ARSL: variants seen among roughly 807,000 people sequenced by gnomAD.
The protein encoded by ARSL is arylsulfatase L.
ARSL carries 4 observed loss-of-function variants against 31.1 expected under a neutral mutation model. The observed-to-expected ratio is 0.13, with a 90% confidence interval of 0.06 to 0.29. The LOEUF (loss-of-function observed/expected upper bound fraction) is 0.29, where lower values mean the gene tolerates loss of function less well. Ranked by LOEUF, ARSL falls within the 10% of genes least tolerant of loss-of-function variation. ARSL has a pLI of 1.00. For missense variants in ARSL, 312 were observed against 497.8 expected (o/e 0.63, Z 3.55); for synonymous variants, 198 against 209.9 (o/e 0.94, Z 0.49).
Position 2,934,768 on chromosome X carries a change from T to C in ARSL, c.*64A>G, listed in dbSNP as rs928169125. The stretch of plus-strand genomic sequence containing the variant: ...TGGGATGACAACCACCATGGCCAGC[T>C]GGTTTGTTTCAATTTGAGTGACAAA... On this transcript the variant is annotated 3_prime_UTR_variant, in exon 11 of 11. Transcript: ENST00000381134. The C allele has an allele frequency of 3.7e-6, 4 of 1,067,710 alleles. No homozygotes were observed. The African/African-American group carries it at 5.5e-5, about 15-fold the overall frequency. The allele number at this position is 1,067,710 out of a possible 1,213,427, so 88.0% of individuals were successfully genotyped here.
At chrX:2,949,851 G>T (rs2089438996) in intron 5 of ARSL, 124 bp from the exon 6 acceptor site, 11 of 800,676 alleles carry the variant, frequency 1.4e-5, no homozygotes, top group Non-Finnish European at 1.8e-5. Context: ...TTGCAAAGAA[G>T]TGTGGGCAGC....
chrX:2,947,218 T>C lies in ARSL; in HGVS notation c.855-1084A>G, dbSNP rs1028792055. Among the ~76,000 whole-genome samples, 3 of 111,316 alleles carry C rather than the reference T, an allele frequency of 2.7e-5. No homozygotes were observed. In the Admixed American group the frequency reaches 2.9e-4, roughly 11 times the overall value. On this transcript the variant is annotated intron_variant, in intron 6 of 10. Coordinates refer to ENST00000381134, the MANE Select transcript of ARSL (RefSeq NM_000047.3). Reference sequence around the variant, plus strand: ...TAAATAAATAAATAAAAACCCACACTGATCTAATGCATCTTTTCCCCCCCG... The same window carrying C: ...TAAATAAATAAATAAAAACCCACACCGATCTAATGCATCTTTTCCCCCCCG...
At chrX:2,953,331 T>C (rs2089486409) in intron 4 of ARSL, 66 bp from the exon 5 acceptor site, 13 of 1,117,725 alleles carry the variant, frequency 1.2e-5, no homozygotes, top group Admixed American at 2.4e-5. Flanking sequence ...TTATTTATTA[T>C]TTATTCAAAA....
chrX:2,965,426 C>T (rs186179685), upstream of ARSL, among the ~76,000 whole-genome samples: 34 of 108,580 alleles, frequency 3.1e-4, 6 homozygotes, highest in South Asian at 1.2e-3. Context: ...GCTTGAACCC[C>T]GGAGTCGGAG....
At chrX:2,961,673 C>G (rs1444213448) in intron 1 of ARSL, among the ~76,000 whole-genome samples, 2 of 111,423 alleles carry the variant, frequency 1.8e-5, no homozygotes, top group African/African-American at 6.5e-5. Flanking sequence ...ATATTCACAT[C>G]TTTTTCTACC....
rs1213808595 is a variant in ARSL, at chrX:2,964,338, T to C, written c.-135A>G. The C allele has an allele frequency of 2.7e-6, 2 of 752,046 alleles. No individual in the cohort carries two copies. The highest frequency in any genetic ancestry group is 4.7e-5 in the African/African-American group (2 of 42,974). 62.0% of individuals were successfully genotyped at this position (752,046 alleles called of 1,213,427 possible). A position where few individuals can be genotyped will look rare whatever the true frequency, so the allele number is the denominator to read the frequency against. ...CACAAGGCTTTGAGCTGGGAATGATTAACTTCGAGTTTGTTTTTCCCAAGT... is the reference window on the plus strand; with the variant it reads ...CACAAGGCTTTGAGCTGGGAATGATCAACTTCGAGTTTGTTTTTCCCAAGT... On this transcript the variant is annotated 5_prime_UTR_variant, in exon 1 of 11. Transcript: ENST00000381134.
chrX:2,967,308 A>T (rs963215992), upstream of ARSL, among the ~76,000 whole-genome samples: 1 of 112,422 alleles, frequency 8.9e-6, no homozygotes, highest in African/African-American at 3.2e-5. Context: ...GACACAATAA[A>T]AGCAGATTTT....
intron 3 of ARSL, among the ~76,000 whole-genome samples, chrX:2,957,006 G>T (rs1434666073): frequency 9.4e-6 from 1 of 106,749 alleles, no homozygotes; most frequent in African/African-American, 3.4e-5. Flanking sequence ...CAGATCACGA[G>T]GTCAGGAGAT....
intron 2 of ARSL, 62 bp downstream of exon 2, chrX:2,960,316 G>T: frequency 1.6e-6 from 1 of 620,017 alleles, no homozygotes. Flanking sequence ...AGGGAAGGAA[G>T]GAAGAGAAAG....
chrX:2,955,459 T>C lies in ARSL; in HGVS notation c.264A>G (p.Pro88=). The C allele has an allele frequency of 8.3e-7, 1 of 1,211,675 alleles. No individual in the cohort carries two copies. Among genetic ancestry groups the C allele is most frequent in the East Asian group, 3.0e-5 (1 of 33,870 alleles). Residue 88 remains proline, a synonymous_variant, in exon 4 of 11, where the codon CCA becomes CCG. Coordinates refer to ENST00000381134, the MANE Select transcript of ARSL (RefSeq NM_000047.3). ...TGCCCGTGAGGAAGGCGGCTCTGCT[T>C]GGGGTGCACAAAGATGCGGCAGAGA... ...QHISAASLCT[P]SRAAFLTGRY...
chrX:2,944,479 A>C (rs758918962), intron 7 of ARSL, among the ~76,000 whole-genome samples: 16 of 109,267 alleles, frequency 1.5e-4, no homozygotes, highest in South Asian at 3.9e-4. Context: ...AAAACAAAAA[A>C]AAAAAAACAA....
At chrX:2,952,904 G>A (rs1398640605) in intron 5 of ARSL, 4 of 257,146 alleles carry the variant, frequency 1.6e-5, no homozygotes, top group Admixed American at 1.3e-4. Flanking sequence ...CAATCCTTCC[G>A]CCTCGGCCTC....
intron 3 of ARSL, among the ~76,000 whole-genome samples, chrX:2,956,906 C>A (rs898929822): frequency 1.8e-5 from 2 of 109,630 alleles, no homozygotes; most frequent in Admixed American, 9.8e-5. Flanking sequence ...GCCATCATGC[C>A]TGGCTAATTT....
intron 5 of ARSL, 82 bp downstream of exon 5, chrX:2,953,061 C>T: frequency 1.8e-6 from 2 of 1,109,078 alleles, no homozygotes; most frequent in Non-Finnish European, 2.5e-6. Context: ...AGCACCTCAC[C>T]CACTTTCCTT....
At chrX:2,953,312 T>C in intron 4 of ARSL, 47 bp from the exon 5 acceptor site, 2 of 1,168,895 alleles carry the variant, frequency 1.7e-6, no homozygotes, top group East Asian at 3.1e-5. Context: ...ACATTTTTTT[T>C]CCTGTTTGTT....
chrX:2,944,440 T>C (rs1192214026), intron 7 of ARSL, among the ~76,000 whole-genome samples: 55 of 89,679 alleles, frequency 6.1e-4, no homozygotes, highest in African/African-American at 1.8e-3. Flanking sequence ...GGCAACAGAG[T>C]GAGACTCGGT....
At chrX:2,960,507 A>G (rs2089611083) in intron 1 of ARSL, 87 bp from the exon 2 acceptor site, 17 of 934,069 alleles carry the variant, frequency 1.8e-5, no homozygotes, top group Non-Finnish European at 2.4e-5. Flanking sequence ...AATTAGGGGA[A>G]CTTTGATTCC....
At chrX:2,960,454 A>G (rs766323145) in intron 1 of ARSL, 34 bp from the exon 2 acceptor site, 3 of 1,195,435 alleles carry the variant, frequency 2.5e-6, no homozygotes, top group East Asian at 3.0e-5. Context: ...AATCACATTG[A>G]CAGCAGAAAT....
rs1368220048 is a variant in ARSL, at chrX:2,956,950, G to A, written c.185+1324C>T. ...ATTTAAAAATTAATGTGCCAGGCGTGGTGGCTCACGCCTGTAATCTCAGCA... is the reference window on the plus strand; with the variant it reads ...ATTTAAAAATTAATGTGCCAGGCGTAGTGGCTCACGCCTGTAATCTCAGCA... On this transcript the variant is annotated intron_variant, in intron 3 of 10. Coordinates refer to ENST00000381134, the MANE Select transcript of ARSL (RefSeq NM_000047.3). Among the ~76,000 whole-genome samples the A allele has an allele frequency of 2.8e-5, 3 of 107,619 alleles. No homozygotes were observed. The Admixed American group carries it at 3.0e-4, about 11-fold the overall frequency. The allele number at this position is 107,619 out of a possible 115,157, so 93.5% of individuals were successfully genotyped here.
Sources: allele counts gnomAD v4.1 joint callset (sites outside exome capture counted in the v4.1 genomes callset), GRCh38; gene constraint gnomAD v4.1.1; transcripts MANE v1.5; gene names NCBI Gene and HGNC (gene_info 2026-07-23, HGNC 2026-07-21).